Variants in TMEM163 observed in about 807,000 individuals in gnomAD.
TMEM163 encodes the protein transmembrane protein 163.
In TMEM163, 17 loss-of-function variants were observed where a neutral mutation model predicts 29.3. That is an observed-to-expected ratio of 0.58 (90% CI 0.40 to 0.87). The LOEUF is 0.87. TMEM163 is among the 40% of genes least tolerant of loss of function. The pLI, the probability that TMEM163 is intolerant of heterozygous loss-of-function variation, is 0.00. For missense variants in TMEM163, 303 were observed against 381.5 expected (o/e 0.79, Z 1.71); for synonymous variants, 157 against 160.6 (o/e 0.98, Z 0.17).
intron 2 of TMEM163, among the ~76,000 whole-genome samples, chr2:134,684,554 C>T (rs1684313798): frequency 6.6e-6 from 1 of 152,142 alleles, no homozygotes; most frequent in Non-Finnish European, 1.5e-5. Context: ...TGAGGCTGCA[C>T]TTCAGAGGTA....
intron 2 of TMEM163, among the ~76,000 whole-genome samples, chr2:134,635,252 T>G (rs1396169844): frequency 1.3e-5 from 2 of 152,204 alleles, no homozygotes; most frequent in Non-Finnish European, 2.9e-5. Context: ...ACTACAACCT[T>G]ATTTCCTGGT....
At chr2:134,475,206 AT>A (rs1316772145) in intron 5 of TMEM163, among the ~76,000 whole-genome samples, 2 of 152,176 alleles carry the variant, frequency 1.3e-5, no homozygotes, top group Non-Finnish European at 2.9e-5. Flanking sequence ...CCTAGAAATC[AT>A]CCCACTCTCA....
At chr2:134,474,085 A>G (rs1446333460) in intron 5 of TMEM163, among the ~76,000 whole-genome samples, 3 of 152,198 alleles carry the variant, frequency 2.0e-5, no homozygotes, top group African/African-American at 7.2e-5. Context: ...AATAGCTCTC[A>G]TGAATCAGAC....
At chr2:134,565,306 A>G (rs1294356184) in intron 2 of TMEM163, among the ~76,000 whole-genome samples, 6 of 151,496 alleles carry the variant, frequency 4.0e-5, no homozygotes, top group East Asian at 2.0e-4. Context: ...TATATACTCA[A>G]TGGAAATACA....
chr2:134,457,536 G>T (rs1201546517), intron 7 of TMEM163, among the ~76,000 whole-genome samples: 1 of 152,244 alleles, frequency 6.6e-6, no homozygotes, highest in Non-Finnish European at 1.5e-5. Context: ...TCCAGCCTGG[G>T]TGCTGAAGTC....
chr2:134,666,226 CTCTCA>C (rs1683870896), intron 2 of TMEM163, among the ~76,000 whole-genome samples: 1 of 151,674 alleles, frequency 6.6e-6, no homozygotes, highest in Admixed American at 6.6e-5. Flanking sequence ...CCTGCCTTTC[CTCTCA>C]TCTCATCTCC....
rs186861423 is a variant in TMEM163 at position 134,489,133 on chromosome 2, A to G, written c.555+13768T>C. ...TACATACTACCATGAGAGTATGACAATGTTCATTCTAACAACACTGTAATA... is the reference window on the plus strand; with the variant it reads ...TACATACTACCATGAGAGTATGACAGTGTTCATTCTAACAACACTGTAATA... On this transcript the variant is annotated intron_variant, in intron 5 of 7. Coordinates refer to ENST00000281924, the MANE Select transcript of TMEM163 (RefSeq NM_030923.5). 5.5e-3 allele frequency among the ~76,000 whole-genome samples: 842 copies of G among 152,310 alleles called. 3 individuals are homozygous for G. Among genetic ancestry groups the G allele is most frequent in the Non-Finnish European group, 7.0e-3 (473 of 68,014 alleles).
rs76590470 is a variant in TMEM163, at chr2:134,541,398, T to C, written c.458+9172A>G. 6.8e-3 allele frequency among the ~76,000 whole-genome samples: 1,033 copies of C among 152,388 alleles called. 14 individuals carry two copies. Among genetic ancestry groups the C allele is most frequent in the African/African-American group, 0.023 (968 of 41,592 alleles). ...CTGCTAGTGGTAAATTAGTATGACC[T>C]TTTTGGAGCACGGCTCGACACTGGT... On this transcript the variant is annotated intron_variant, in intron 4 of 7. Transcript: ENST00000281924.
intron 4 of TMEM163, among the ~76,000 whole-genome samples, 176 bp downstream of exon 4, chr2:134,550,394 C>G (rs968557207): frequency 1.3e-5 from 2 of 152,162 alleles, no homozygotes. Context: ...CTCTGACCAT[C>G]CCAAGAGGAC....
Position 134,475,948 on chromosome 2 carries a change from T to C in TMEM163, c.556-9723A>G, listed in dbSNP as rs113923946. Reference sequence around the variant, plus strand: ...TGGCCATTCCTTATGAAATTAAATATAGACTTACCATAGGATTCAGCAATT... The same window carrying C: ...TGGCCATTCCTTATGAAATTAAATACAGACTTACCATAGGATTCAGCAATT... On this transcript the variant is annotated intron_variant, in intron 5 of 7. Transcript: ENST00000281924. 2.1e-3 allele frequency among the ~76,000 whole-genome samples: 321 copies of C among 152,334 alleles called. 2 individuals carry two copies. Among genetic ancestry groups the C allele is most frequent in the African/African-American group, 7.0e-3 (292 of 41,582 alleles).
chr2:134,687,806 A>C (rs1440793560), intron 2 of TMEM163, among the ~76,000 whole-genome samples: 1 of 152,242 alleles, frequency 6.6e-6, no homozygotes, highest in Non-Finnish European at 1.5e-5. Context: ...ACTCTATGCA[A>C]GGCACCATGG....
At chr2:134,458,936 C>T (rs1686463127) in intron 6 of TMEM163, 1 of 143,308 alleles carries the variant, frequency 7.0e-6, no homozygotes. Flanking sequence ...ACACAGCAGC[C>T]CACTGGGGCT....
At position 134,552,084 on chromosome 2, in the gene TMEM163, G is replaced by A. The variant is rs145798414; in HGVS notation, c.330C>T (p.Ser110=). Reference sequence around the variant, plus strand: ...AAGCAGAGGCGCTGTACCTCATAACGGAGACAGCTAAAAAGAAAGAAAATA... The same window carrying A: ...AAGCAGAGGCGCTGTACCTCATAACAGAGACAGCTAAAAAGAAAGAAAATA... ...LALAVAAFTV[S]VMRYSASAFG... The change falls in exon 3 of 8, where the codon TCC becomes TCT. Residue 110 remains serine (S), a synonymous_variant. Coordinates refer to ENST00000281924, the MANE Select transcript of TMEM163 (RefSeq NM_030923.5). 19 of 1,611,800 alleles carry A rather than the reference G, an allele frequency of 1.2e-5. No individual in the cohort carries two copies. Among genetic ancestry groups the A allele is most frequent in the Non-Finnish European group, 1.3e-5 (15 of 1,178,774 alleles).
Position 134,465,735 on chromosome 2 carries a change from G to A in TMEM163, c.667+379C>T, listed in dbSNP as rs1344595778. Among the ~76,000 whole-genome samples, 3 of 152,162 alleles carry A rather than the reference G, an allele frequency of 2.0e-5. No individual in the cohort carries two copies. In the East Asian group the frequency reaches 5.8e-4, roughly 29 times the overall value. On this transcript the variant is annotated intron_variant, in intron 6 of 7. Transcript: ENST00000281924. Reference sequence around the variant, plus strand: ...CTAGCTGGAAGGAAAAACAAGCATGGAGAATTCACAAAGGAAACATTTATA... The same window carrying A: ...CTAGCTGGAAGGAAAAACAAGCATGAAGAATTCACAAAGGAAACATTTATA...
At chr2:134,633,211 C>A (rs1278199798) in intron 2 of TMEM163, among the ~76,000 whole-genome samples, 2 of 152,066 alleles carry the variant, frequency 1.3e-5, no homozygotes, top group Non-Finnish European at 2.9e-5. Flanking sequence ...TGGCCTAGAG[C>A]ACTAAAGACA....
chr2:134,548,188 AT>A (rs761447041), intron 4 of TMEM163, among the ~76,000 whole-genome samples: 3 of 152,232 alleles, frequency 2.0e-5, no homozygotes, highest in Non-Finnish European at 4.4e-5. Flanking sequence ...CACATATGTA[AT>A]TTTAAATTTC....
chr2:134,554,303 G>A (rs906439092), intron 2 of TMEM163, among the ~76,000 whole-genome samples: 1 of 151,718 alleles, frequency 6.6e-6, no homozygotes, highest in Non-Finnish European at 1.5e-5. Flanking sequence ...GCGTGTGCCT[G>A]TAGTCCCAGC....
intron 2 of TMEM163, among the ~76,000 whole-genome samples, chr2:134,655,214 T>C (rs1362774110): frequency 7.1e-6 from 1 of 140,720 alleles, no homozygotes; most frequent in African/African-American, 3.0e-5. Context: ...TCTTTTCACA[T>C]AGTCCCATAT....
chr2:134,542,657 C>T (rs1486855885), intron 4 of TMEM163, among the ~76,000 whole-genome samples: 2 of 152,264 alleles, frequency 1.3e-5, no homozygotes, highest in South Asian at 2.1e-4. Flanking sequence ...CCACCCAACC[C>T]CAGTCCGCGG....
Sources: allele counts gnomAD v4.1 joint callset (sites outside exome capture counted in the v4.1 genomes callset), GRCh38; gene constraint gnomAD v4.1.1; transcripts MANE v1.5; gene names NCBI Gene and HGNC (gene_info 2026-07-23, HGNC 2026-07-21).